MSRA: variants seen among roughly 807,000 people sequenced by gnomAD.
The protein encoded by MSRA is methionine sulfoxide reductase A, also known as mitochondrial peptide methionine sulfoxide reductase.
MSRA carries 54 observed loss-of-function variants against 31.3 expected under a neutral mutation model. The ratio of observed to expected loss-of-function variants is 1.73; its 90% CI spans 1.39 to 2.17. The LOEUF is 2.17. MSRA is among the 30% of genes most tolerant of loss of function. MSRA has a pLI of 0.00. For synonymous variants in MSRA, 169 were observed against 116.5 expected (o/e 1.45, Z -2.90); for missense variants, 507 against 300.9 (o/e 1.69, Z -5.07).
intron 1 of MSRA, among the ~76,000 whole-genome samples, chr8:10,146,956 C>G (rs929978411): frequency 5.3e-5 from 8 of 152,206 alleles, no homozygotes; most frequent in African/African-American, 1.9e-4. Context: ...TAAAAAGCTA[C>G]TCACAGACCT....
At chr8:10,073,073 T>C (rs1287481175) in intron 1 of MSRA, among the ~76,000 whole-genome samples, 1 of 152,162 alleles carries the variant, frequency 6.6e-6, no homozygotes, top group East Asian at 1.9e-4. Flanking sequence ...TTTGTTTTTC[T>C]TGCCTTATTT....
chr8:10,338,083 G>A (rs143511011), intron 5 of MSRA, among the ~76,000 whole-genome samples: 95 of 152,296 alleles, frequency 6.2e-4, no homozygotes, highest in African/African-American at 1.1e-3. Flanking sequence ...CAAATAGGAC[G>A]TGTGAGGAAT....
chr8:10,273,835 TG>T (rs1799172433), intron 3 of MSRA, among the ~76,000 whole-genome samples: 1 of 152,122 alleles, frequency 6.6e-6, no homozygotes, highest in African/African-American at 2.4e-5. Flanking sequence ...GAAAGAGAAT[TG>T]GAGGCTTACA....
At chr8:10,382,761 G>C (rs567517923) in intron 5 of MSRA, among the ~76,000 whole-genome samples, 1 of 152,328 alleles carries the variant, frequency 6.6e-6, no homozygotes, top group Non-Finnish European at 1.5e-5. Flanking sequence ...CTTCTCCTTA[G>C]TCATGGAAGG....
intron 5 of MSRA, among the ~76,000 whole-genome samples, chr8:10,402,952 C>G (rs1248366006): frequency 6.6e-6 from 1 of 152,138 alleles, no homozygotes; most frequent in Admixed American, 6.5e-5. Flanking sequence ...ACCATTGAAG[C>G]CATGGCCAAA....
chr8:10,239,657 A>G (rs1418071547), intron 2 of MSRA, among the ~76,000 whole-genome samples: 2 of 152,160 alleles, frequency 1.3e-5, no homozygotes, highest in Non-Finnish European at 2.9e-5. Flanking sequence ...TTATAACTCA[A>G]TGGAGTCTTG....
chr8:10,417,076 G>A (rs888135699), intron 5 of MSRA, among the ~76,000 whole-genome samples: 2 of 152,332 alleles, frequency 1.3e-5, no homozygotes, highest in South Asian at 4.1e-4. Context: ...GCTGTACGAA[G>A]AAGCCCCATC....
chr8:10,122,435 C>T (rs769099136), intron 1 of MSRA, among the ~76,000 whole-genome samples: 1 of 151,954 alleles, frequency 6.6e-6, no homozygotes, highest in Non-Finnish European at 1.5e-5. Context: ...AAAAACAAAA[C>T]TGTGATGTAA....
At chr8:10,292,534 C>G (rs1269700923) in intron 3 of MSRA, among the ~76,000 whole-genome samples, 1 of 152,256 alleles carries the variant, frequency 6.6e-6, no homozygotes, top group Admixed American at 6.5e-5. Context: ...GCTCCCTCCA[C>G]CGTCGGTCCT....
intron 1 of MSRA, among the ~76,000 whole-genome samples, chr8:10,191,811 T>G (rs1807534963): frequency 6.6e-6 from 1 of 152,242 alleles, no homozygotes; most frequent in African/African-American, 2.4e-5. Context: ...TGCATTATTT[T>G]TCTTTTATTA....
intron 5 of MSRA, among the ~76,000 whole-genome samples, chr8:10,395,533 A>G (rs1243352951): frequency 6.6e-6 from 1 of 152,218 alleles, no homozygotes; most frequent in African/African-American, 2.4e-5. Flanking sequence ...CAGAGGCCAG[A>G]TGGATGGAGC....
chr8:10,356,639 A>G (rs923589417), intron 5 of MSRA, among the ~76,000 whole-genome samples: 9 of 152,300 alleles, frequency 5.9e-5, no homozygotes, highest in African/African-American at 2.2e-4. Flanking sequence ...TGGAGCCCTG[A>G]TAAATAGGAT....
chr8:10,077,241 G>A (rs1379691041), intron 1 of MSRA, among the ~76,000 whole-genome samples: 3 of 152,140 alleles, frequency 2.0e-5, no homozygotes, highest in Non-Finnish European at 4.4e-5. Context: ...GGGAGGGCGA[G>A]AGCCAGGCAC....
intron 3 of MSRA, among the ~76,000 whole-genome samples, chr8:10,261,616 C>T (rs947121253): frequency 6.6e-5 from 10 of 152,010 alleles, no homozygotes; most frequent in African/African-American, 9.7e-5. Flanking sequence ...CACAGAGTTC[C>T]AATGTTACCG....
intron 1 of MSRA, among the ~76,000 whole-genome samples, chr8:10,104,702 T>C (rs1799765947): frequency 6.6e-6 from 1 of 152,178 alleles, no homozygotes; most frequent in African/African-American, 2.4e-5. Flanking sequence ...GTGTTGATAT[T>C]AATGCTGGCC....
At chr8:10,244,122 T>C (rs540506066) in intron 2 of MSRA, among the ~76,000 whole-genome samples, 25 of 152,284 alleles carry the variant, frequency 1.6e-4, no homozygotes, top group Middle Eastern at 3.4e-3. Flanking sequence ...GGGAGGTGTA[T>C]AGTGTATATT....
chr8:10,355,395 T>A lies in MSRA; in HGVS notation c.543+35406T>A, dbSNP rs150275582. The stretch of plus-strand genomic sequence containing the variant: ...CCGAGTAGGCCATCACTTCTTTGAT[T>A]GTCACTTTCCAAACCAAAGCAAATG... On this transcript the variant is annotated intron_variant, in intron 5 of 5. Coordinates refer to ENST00000317173, the MANE Select transcript of MSRA (RefSeq NM_012331.5). Among the ~76,000 whole-genome samples the A allele has an allele frequency of 2.2e-3, 338 of 152,358 alleles. 2 individuals are homozygous for A. Among genetic ancestry groups the A allele is most frequent in the African/African-American group, 7.8e-3 (325 of 41,588 alleles).
intron 3 of MSRA, among the ~76,000 whole-genome samples, chr8:10,295,619 A>G (rs150463095): frequency 5.6e-4 from 86 of 152,264 alleles, no homozygotes; most frequent in Middle Eastern, 6.8e-3. Context: ...CACCATTTCT[A>G]TGGAGAACTT....
At chr8:10,228,007 T>G (rs1440636741) in intron 2 of MSRA, among the ~76,000 whole-genome samples, 2 of 152,214 alleles carry the variant, frequency 1.3e-5, no homozygotes. Flanking sequence ...AATCTGTCTT[T>G]GAATCCCCCC....
Sources: allele counts gnomAD v4.1 joint callset (sites outside exome capture counted in the v4.1 genomes callset), GRCh38; gene constraint gnomAD v4.1.1; transcripts MANE v1.5; gene names NCBI Gene and HGNC (gene_info 2026-07-23, HGNC 2026-07-21).